TMEM178A: variants seen among roughly 807,000 people sequenced by gnomAD.
TMEM178A encodes the protein transmembrane protein 178.
In TMEM178A, 12 loss-of-function variants were observed where a neutral mutation model predicts 29.1. That is an observed-to-expected ratio of 0.41 (90% CI 0.26 to 0.67). TMEM178A has a LOEUF of 0.67. Among genes scored for constraint, TMEM178A ranks in the 30% least tolerant of loss-of-function variants. TMEM178A has a pLI of 0.29. For missense variants in TMEM178A, 366 were observed against 419.1 expected (o/e 0.87, Z 1.11); for synonymous variants, 210 against 187.2 (o/e 1.12, Z -0.99).
intron 1 of TMEM178A, among the ~76,000 whole-genome samples, chr2:39,676,745 A>C (rs532539031): frequency 1.3e-5 from 2 of 152,216 alleles, no homozygotes; most frequent in South Asian, 4.1e-4. Context: ...AGCCTGAAGC[A>C]GCAGGTGTGT....
intron 1 of TMEM178A, among the ~76,000 whole-genome samples, chr2:39,678,708 TC>T (rs1408256730): frequency 1.3e-5 from 2 of 152,184 alleles, no homozygotes; most frequent in African/African-American, 4.8e-5. Flanking sequence ...AAACCCCAAA[TC>T]TCTGATAATT....
intron 1 of TMEM178A, among the ~76,000 whole-genome samples, chr2:39,685,590 C>T (rs891502503): frequency 3.3e-5 from 5 of 152,068 alleles, no homozygotes; most frequent in East Asian, 1.9e-4. Flanking sequence ...TTCAGTAAAT[C>T]GGGCTAGATA....
intron 3 of TMEM178A, among the ~76,000 whole-genome samples, chr2:39,708,293 G>T (rs1672129492): frequency 6.6e-6 from 1 of 152,034 alleles, no homozygotes; most frequent in African/African-American, 2.4e-5. Flanking sequence ...CACATGAGGT[G>T]GGGGAAGTGG....
intron 2 of TMEM178A, among the ~76,000 whole-genome samples, chr2:39,706,146 G>C (rs1048932300): frequency 6.6e-6 from 1 of 152,232 alleles, no homozygotes; most frequent in African/African-American, 2.4e-5. Flanking sequence ...GGTACACGTA[G>C]TCAGCCTACC....
intron 1 of TMEM178A, among the ~76,000 whole-genome samples, chr2:39,682,898 G>A (rs1670928035): frequency 6.6e-6 from 1 of 152,092 alleles, no homozygotes; most frequent in Admixed American, 6.6e-5. Context: ...CATTTGTGGG[G>A]CATCCCACAC....
intron 3 of TMEM178A, among the ~76,000 whole-genome samples, chr2:39,708,317 C>T (rs1210836954): frequency 6.7e-6 from 1 of 148,392 alleles, no homozygotes; most frequent in Non-Finnish European, 1.5e-5. Context: ...GTGGCCAAAG[C>T]GTCAGGGTTT....
chr2:39,728,367 T>C, the TMEM178A span, among the ~76,000 whole-genome samples: 1 of 152,252 alleles, frequency 6.6e-6, no homozygotes, highest in African/African-American at 2.4e-5. Context: ...GCTTCTTGAA[T>C]GGTTTCCGAG....
chr2:39,719,201 A>G (rs143284534), downstream of TMEM178A, among the ~76,000 whole-genome samples: 397 of 152,326 alleles, frequency 2.6e-3, 1 homozygote, highest in Middle Eastern at 0.01. Context: ...ATTATTTTCA[A>G]AGCAGGAGAG....
intron 1 of TMEM178A, among the ~76,000 whole-genome samples, chr2:39,699,280 G>A (rs1432224131): frequency 6.6e-6 from 1 of 152,032 alleles, no homozygotes; most frequent in African/African-American, 2.4e-5. Context: ...GTCTACTTCA[G>A]CCTCCCAAAG....
At chr2:39,705,736 C>T (rs545488782) in intron 2 of TMEM178A, among the ~76,000 whole-genome samples, 1 of 152,180 alleles carries the variant, frequency 6.6e-6, no homozygotes, top group African/African-American at 2.4e-5. Context: ...CTAAGCTGCC[C>T]AGGAGCCACA....
At chr2:39,718,077 T>G (rs1672621811), downstream of TMEM178A, 1 of 152,504 alleles carries the variant, frequency 6.6e-6, no homozygotes, top group African/African-American at 2.4e-5. Flanking sequence ...AATAATTGCT[T>G]CATTTCAATT....
chr2:39,714,662 G>T (rs1672458822), intron 3 of TMEM178A, among the ~76,000 whole-genome samples: 1 of 152,194 alleles, frequency 6.6e-6, no homozygotes, highest in Non-Finnish European at 1.5e-5. Flanking sequence ...AGAGCAGAGA[G>T]AAATCATTCT....
chr2:39,730,334 G>A, the TMEM178A span, among the ~76,000 whole-genome samples: 2 of 152,188 alleles, frequency 1.3e-5, no homozygotes, highest in Admixed American at 1.3e-4. Flanking sequence ...AAAAGGGGCT[G>A]ACTACATTCA....
chr2:39,666,210 C>G lies in TMEM178A; in HGVS notation c.236C>G (p.Pro79Arg). The change falls in exon 1 of 4, where the codon CCG becomes CGG. Residue 79 changes from proline (P) to arginine (R), a missense_variant. Coordinates refer to ENST00000281961, the MANE Select transcript of TMEM178A (RefSeq NM_152390.3). ...CCCCCGCTGGGGCGCCGGCTGCTCCCGGGCGGCCCGGGGCGCGCCGACCCC... is the reference window on the plus strand; with the variant it reads ...CCCCCGCTGGGGCGCCGGCTGCTCCGGGGCGGCCCGGGGCGCGCCGACCCC... ...DSPPLGRRLL[P>R]GGPGRADPES... The G allele has an allele frequency of 7.3e-7, 1 of 1,362,016 alleles. No individual in the cohort carries two copies. The highest frequency in any genetic ancestry group is 9.4e-7 in the Non-Finnish European group (1 of 1,065,724). The allele number at this position is 1,362,016 out of a possible 1,614,324, so 84.4% of individuals were successfully genotyped here.
intron 3 of TMEM178A, among the ~76,000 whole-genome samples, chr2:39,708,912 T>C (rs1037767832): frequency 3.3e-5 from 5 of 152,190 alleles, no homozygotes; most frequent in Non-Finnish European, 7.3e-5. Context: ...TATTAATGAT[T>C]AGTGAATGCC....
chr2:39,729,165 C>T, the TMEM178A span, among the ~76,000 whole-genome samples: 1 of 152,152 alleles, frequency 6.6e-6, no homozygotes, highest in Non-Finnish European at 1.5e-5. Context: ...ACCATCCAAA[C>T]CATACAACAA....
chr2:39,695,412 G>GAC (rs2148085749), intron 1 of TMEM178A, among the ~76,000 whole-genome samples: 1 of 150,176 alleles, frequency 6.7e-6, no homozygotes, highest in African/African-American at 2.5e-5. Context: ...TGAAGAGGCA[G>GAC]ACTTTCTGAT....
chr2:39,699,012 C>G (rs759431585), intron 1 of TMEM178A, among the ~76,000 whole-genome samples: 14 of 150,576 alleles, frequency 9.3e-5, no homozygotes, highest in Admixed American at 2.0e-4. Context: ...GTAATAGCCT[C>G]TGTTTCATTC....
the TMEM178A span, among the ~76,000 whole-genome samples, chr2:39,724,994 T>C: frequency 6.6e-6 from 1 of 152,144 alleles, no homozygotes; most frequent in Admixed American, 6.5e-5. Context: ...AAAGGTAATC[T>C]GGGGGAGATG....
Sources: allele counts gnomAD v4.1 joint callset (sites outside exome capture counted in the v4.1 genomes callset), GRCh38; gene constraint gnomAD v4.1.1; transcripts MANE v1.5; gene names NCBI Gene and HGNC (gene_info 2026-07-23, HGNC 2026-07-21).